The following PIGG variants were observed in gnomAD, a reference collection of about 807,000 sequenced individuals.
PIGG encodes the protein GPI ethanolamine phosphate transferase 2, catalytic subunit.
A neutral mutation model predicts 83.2 loss-of-function variants in PIGG; 70 were observed. The observed-to-expected ratio is 0.84, with a 90% CI of 0.69 to 1.03. The LOEUF (loss-of-function observed/expected upper bound fraction) is 1.03. Ranked by LOEUF, PIGG falls within the 50% of genes least tolerant of loss-of-function variation. The pLI, the probability that PIGG is intolerant of heterozygous loss-of-function variation, is 0.00. For synonymous variants in PIGG, 532 were observed against 519.5 expected, an observed-to-expected ratio of 1.02 and a Z score of -0.33; for missense variants, 1,257 against 1,233.6, an observed-to-expected ratio of 1.02 and a Z score of -0.28.
Position 507,544 on chromosome 4 carries a change from G to A in PIGG, c.710G>A (p.Ser237Asn), listed in dbSNP as rs1720160858. Residue 237 changes from serine to asparagine, a missense_variant, in exon 4 of 13, where the codon AGC (serine) becomes AAC (asparagine). Coordinates refer to ENST00000453061, the MANE Select transcript of PIGG (RefSeq NM_001127178.3). ...PNSPLIGQKL[S>N]EMDSVLMKIH... Reference sequence around the variant, plus strand: ...AGCCCCCTGATTGGGCAGAAGCTGAGCGAGATGGACAGCGTGCTGATGAAG... The same window carrying A: ...AGCCCCCTGATTGGGCAGAAGCTGAACGAGATGGACAGCGTGCTGATGAAG... 2 of 1,613,866 alleles carry A rather than the reference G, an allele frequency of 1.2e-6. No individual in the cohort carries two copies. The highest frequency in any genetic ancestry group is 2.7e-5 in the African/African-American group (2 of 74,884).
At chr4:516,215 CAG>C (rs767593206) in intron 6 of PIGG, 30 bp downstream of exon 6, 1 of 1,486,752 alleles carries the variant, frequency 6.7e-7, no homozygotes, top group Non-Finnish European at 9.4e-7. Flanking sequence ...CGAGCTCTGT[CAG>C]AGCTGTGTGT....
chr4:528,667 A>G lies in PIGG; in HGVS notation c.2261+1437A>G. 1.0e-6 allele frequency: 1 copy of G among 985,270 alleles called. No individual in the cohort carries two copies. The highest frequency in any genetic ancestry group is 1.1e-4 in the East Asian group (1 of 8,808). 61.0% of individuals were successfully genotyped at this position (985,270 alleles called of 1,614,324 possible). On this transcript the variant is annotated intron_variant, in intron 10 of 12. Transcript: ENST00000453061. The surrounding 1 kb of genome is among the most constrained non-coding windows in gnomAD (Gnocchi z 4.8). ...TAGGGCTCATCCAAATGGATGTTAC[A>G]TTTGCGGGTGTGTGTTTAAGGTGCA...
At chr4:530,915 A>C (rs1728899756) in intron 11 of PIGG, 170 bp downstream of exon 11, 3 of 597,392 alleles carry the variant, frequency 5.0e-6, no homozygotes, top group Non-Finnish European at 8.8e-6. Context: ...CGGTTGTTTA[A>C]GACACGCGTC....
chr4:511,019 C>T (rs797039993), intron 5 of PIGG, among the ~76,000 whole-genome samples: 9 of 152,246 alleles, frequency 5.9e-5, no homozygotes, highest in African/African-American at 2.2e-4. Flanking sequence ...CTAGGCCAGG[C>T]ACTGTGGCTC....
intron 8 of PIGG, among the ~76,000 whole-genome samples, chr4:523,130 C>G (rs1397828153): frequency 2.0e-5 from 3 of 152,158 alleles, no homozygotes; most frequent in Non-Finnish European, 4.4e-5. Flanking sequence ...CTGGGCTGCA[C>G]CACTGCCCAG....
intron 11 of PIGG, 103 bp from the exon 12 acceptor site, chr4:533,715 G>T (rs374994184): frequency 1.2e-5 from 13 of 1,100,510 alleles, no homozygotes; most frequent in Non-Finnish European, 1.5e-5. Flanking sequence ...TGGTTATCTG[G>T]GCTGCCTACA....
Position 500,543 on chromosome 4 carries a change from C to T in PIGG, c.302C>T (p.Ala101Val). Residue 101 changes from alanine (A) to valine (V), a missense_variant, in exon 2 of 13, where the codon GCA becomes GTA. By Grantham distance (64) the Ala-to-Val change is moderately conservative. Transcript: ENST00000453061. ...ACAACTTACCTTGTGGAAAAAGGAGCATCTCACAGTTTTGTGGCTGAAGCA... is the reference window on the plus strand; with the variant it reads ...ACAACTTACCTTGTGGAAAAAGGAGTATCTCACAGTTTTGTGGCTGAAGCA... ...PYTTYLVEKG[A>V]SHSFVAEAKP... is the part of the protein sequence containing the mutation. 3.1e-6 allele frequency: 5 copies of T among 1,613,430 alleles called. No homozygotes were observed. The highest frequency in any genetic ancestry group is 4.2e-6 in the Non-Finnish European group (5 of 1,179,354).
chr4:508,217 C>T (rs1414037496), intron 4 of PIGG, among the ~76,000 whole-genome samples: 1 of 152,208 alleles, frequency 6.6e-6, no homozygotes, highest in Non-Finnish European at 1.5e-5. Context: ...CTTTCAACAG[C>T]GTGTTGAGAG....
At chr4:516,267 A>G in intron 6 of PIGG, 82 bp downstream of exon 6, 2 of 893,526 alleles carry the variant, frequency 2.2e-6, no homozygotes, top group Non-Finnish European at 1.9e-6. Flanking sequence ...TTTCTGTGGT[A>G]TGCAGTTTGT....
At chr4:530,831 G>A (rs576510481) in intron 11 of PIGG, 86 bp downstream of exon 11, 1 of 925,180 alleles carries the variant, frequency 1.1e-6, no homozygotes, top group East Asian at 2.4e-5. Context: ...GTTCCCATAA[G>A]TTGGAAAGTG....
In PIGG at chr4:540,192, GAA is replaced by G. The variant is rs1731669858; in HGVS notation, c.*826_*827del. Reference sequence around the variant, plus strand: ...AAATGAAAAAATAAATGTTTAATGAGAAAAGTGATAATGTTTTACATTTTTAC... The same window carrying G: ...AAATGAAAAAATAAATGTTTAATGAGAAGTGATAATGTTTTACATTTTTAC... On this transcript the variant is annotated 3_prime_UTR_variant, in exon 13 of 13. Coordinates refer to ENST00000453061, the MANE Select transcript of PIGG (RefSeq NM_001127178.3). The G allele has an allele frequency of 6.6e-6, 1 of 152,160 alleles. No individual in the cohort carries two copies. The highest frequency in any genetic ancestry group is 1.5e-5 in the Non-Finnish European group (1 of 68,040). The allele number at this position is 152,160 out of a possible 1,614,324, so 9.4% of individuals were successfully genotyped here.
intron 11 of PIGG, 190 bp from the exon 12 acceptor site, chr4:533,628 C>T (rs1213608396): frequency 7.1e-5 from 43 of 606,256 alleles, no homozygotes; most frequent in Non-Finnish European, 1.1e-4. Context: ...GGGGGTGCCA[C>T]CTAGGCAAGG....
chr4:509,122 T>C lies in PIGG; in HGVS notation c.901+152T>C, dbSNP rs17164861. 0.16 allele frequency: 97,664 copies of C among 603,330 alleles called. 11,888 individuals are homozygous for C. Among genetic ancestry groups the C allele is most frequent in the African/African-American group, 0.5 (26,805 of 53,426 alleles). The allele number at this position is 603,330 out of a possible 1,614,324, so 37.4% of individuals were successfully genotyped here. A position where few individuals can be genotyped will look rare whatever the true frequency, so the allele number is the denominator to read the frequency against. ...GAAAAGTAATTGGGCAAAAGGCTTT[T>C]GGGATCTGAAGTTACGTTCCTTCCC... On this transcript the variant is annotated intron_variant, in intron 5 of 12. Transcript: ENST00000453061.
intron 11 of PIGG, chr4:531,925 C>G (rs777115140): frequency 2.6e-5 from 4 of 152,384 alleles, no homozygotes; most frequent in Non-Finnish European, 4.4e-5. Flanking sequence ...ACCTTCGTTT[C>G]CTTATCTGTA....
Position 507,590 on chromosome 4 carries a change from G to A in PIGG, c.756G>A (p.Ser252=), listed in dbSNP as rs371090199. 4.9e-5 allele frequency: 79 copies of A among 1,609,296 alleles called. No homozygotes were observed. Among genetic ancestry groups the A allele is most frequent in the Admixed American group, 1.0e-4 (6 of 59,616 alleles). ...TGAAGATCCACACCTCACTGCAGTC[G>A]AAGGTGAGGCTCGCCGTCGCTCACT... ...VLMKIHTSLQ[S]KERETPLPNL... Residue 252 remains serine (S), a synonymous_variant, in exon 4 of 13, where the codon TCG becomes TCA. Transcript: ENST00000453061.
rs552500897 is a variant in PIGG at position 508,901 on chromosome 4, G to A, written c.832G>A (p.Gly278Arg). 28 of 1,612,776 alleles carry A rather than the reference G, an allele frequency of 1.7e-5. 1 individual carries two copies. Among genetic ancestry groups the A allele is most frequent in the Admixed American group, 1.3e-4 (8 of 60,008 alleles). The change falls in exon 5 of 13, where the codon GGG becomes AGG. Residue 278 changes from glycine to arginine, a missense_variant. Gly to Arg is a moderately radical substitution (Grantham distance 125). Transcript: ENST00000453061. ...TGGCATGTCTGAAACAGGAAGTCACGGGGCCTCCTCCACCGAGGAGGTGAA... is the reference window on the plus strand; with the variant it reads ...TGGCATGTCTGAAACAGGAAGTCACAGGGCCTCCTCCACCGAGGAGGTGAA... ...DHGMSETGSH[G>R]ASSTEEVNTP...
chr4:537,016 A>G (rs571037930), intron 12 of PIGG: 2 of 152,356 alleles, frequency 1.3e-5, no homozygotes, highest in South Asian at 4.1e-4. Context: ...AGGGAAAAAG[A>G]CAAATATTAA....
chr4:538,047 C>T (rs1731117665), intron 12 of PIGG, among the ~76,000 whole-genome samples: 3 of 150,350 alleles, frequency 2.0e-5, no homozygotes, highest in South Asian at 4.2e-4. Context: ...GGACATGCAG[C>T]GGGACCCACA....
At position 516,040 on chromosome 4, in the gene PIGG, C is replaced by T. The variant is rs779651318; in HGVS notation, c.969C>T (p.Gly323=). Residue 323 remains glycine (G), a synonymous_variant, in exon 6 of 13, where the codon GGC becomes GGT. Coordinates refer to ENST00000453061, the MANE Select transcript of PIGG (RefSeq NM_001127178.3). ...DVAATLAIAL[G]LPIPKDSVGS... is the part of the protein sequence containing the mutation. ...CTGCGACACTGGCGATAGCACTTGGCTTACCGATTCCAAAAGACAGTGTAG... is the reference window on the plus strand; with the variant it reads ...CTGCGACACTGGCGATAGCACTTGGTTTACCGATTCCAAAAGACAGTGTAG... 1 of 1,614,194 alleles carries T rather than the reference C, an allele frequency of 6.2e-7. No homozygotes were observed. Among genetic ancestry groups the T allele is most frequent in the Non-Finnish European group, 8.5e-7 (1 of 1,179,990 alleles).
Sources: gnomAD v4.1 joint callset for allele counts (sites outside exome capture counted in the v4.1 genomes callset) on GRCh38, gnomAD v4.1.1 for gene constraint, Gnocchi (gnomAD v3.1) non-coding constraint, MANE v1.5 for transcripts, NCBI Gene and HGNC (gene_info 2026-07-23, HGNC 2026-07-21) for gene names.